The following ATXN1 variants were observed in gnomAD, a reference collection of about 807,000 sequenced individuals.
The protein encoded by ATXN1 is ataxin-1.
In ATXN1, 8 loss-of-function variants were observed where a neutral mutation model predicts 56.4. That is an observed-to-expected ratio of 0.14 (90% confidence interval 0.08 to 0.26). The LOEUF is 0.26. Ranked by LOEUF, ATXN1 falls within the 10% of genes least tolerant of loss-of-function variation. The pLI is 1.00. For missense variants in ATXN1, 987 were observed against 1,106.5 expected (o/e 0.89, Z 1.53); for synonymous variants, 514 against 494.6 (o/e 1.04, Z -0.52).
chr6:16,706,361 A>G (rs1759405866), intron 2 of ATXN1, among the ~76,000 whole-genome samples: 1 of 152,186 alleles, frequency 6.6e-6, no homozygotes, highest in Non-Finnish European at 1.5e-5. Context: ...ATACGTATGC[A>G]AGAAATCTTT....
intron 3 of ATXN1, among the ~76,000 whole-genome samples, chr6:16,611,153 T>C (rs757025695): frequency 1.3e-5 from 2 of 152,194 alleles, no homozygotes; most frequent in Admixed American, 6.5e-5. Flanking sequence ...AAAGTAATCA[T>C]AAACTGGATC....
At chr6:16,761,233 T>C in intron 1 of ATXN1, 65 bp downstream of exon 1, 1 of 378,488 alleles carries the variant, frequency 2.6e-6, no homozygotes, top group South Asian at 1.8e-5. Flanking sequence ...TTAATCTAAA[T>C]AAGGGGAGAA....
At chr6:16,496,957 C>G (rs1760792653) in intron 5 of ATXN1, among the ~76,000 whole-genome samples, 1 of 152,144 alleles carries the variant, frequency 6.6e-6, no homozygotes, top group South Asian at 2.1e-4. Context: ...AGGGGATTCT[C>G]ACACTTACAA....
At chr6:16,549,628 C>T (rs985017103) in intron 4 of ATXN1, among the ~76,000 whole-genome samples, 8 of 151,970 alleles carry the variant, frequency 5.3e-5, no homozygotes, top group South Asian at 2.1e-4. Flanking sequence ...CCAGGTGCAG[C>T]GGCTTACGCC....
chr6:16,551,513 G>A (rs1181469209), intron 4 of ATXN1, among the ~76,000 whole-genome samples: 1 of 152,212 alleles, frequency 6.6e-6, no homozygotes, highest in African/African-American at 2.4e-5. Context: ...TGGGGAGACA[G>A]AAGTGGGAGA....
At chr6:16,496,407 T>C (rs1398253576) in intron 5 of ATXN1, among the ~76,000 whole-genome samples, 1 of 152,196 alleles carries the variant, frequency 6.6e-6, no homozygotes, top group East Asian at 1.9e-4. Flanking sequence ...CAATTATTCT[T>C]TCTTTCTATG....
At chr6:16,384,511 A>G (rs986984359) in intron 6 of ATXN1, among the ~76,000 whole-genome samples, 3 of 152,230 alleles carry the variant, frequency 2.0e-5, no homozygotes, top group African/African-American at 7.2e-5. Context: ...TAAAAGACAC[A>G]GTTCCTGTTC....
intron 4 of ATXN1, among the ~76,000 whole-genome samples, chr6:16,556,048 C>T (rs554453904): frequency 1.3e-5 from 2 of 152,294 alleles, no homozygotes; most frequent in Non-Finnish European, 2.9e-5. Context: ...TTTCAATAGG[C>T]ATTCTTTTTC....
rs572570267 is a variant in ATXN1 at position 16,730,101 on chromosome 6, G to C, written c.-615+23132C>G. Among the ~76,000 whole-genome samples the C allele has an allele frequency of 5.9e-5, 9 of 152,272 alleles. No homozygotes were observed. The East Asian group carries it at 1.2e-3, about 20-fold the overall frequency. On this transcript the variant is annotated intron_variant, in intron 2 of 7. Coordinates refer to ENST00000436367, the MANE Select transcript of ATXN1 (RefSeq NM_001128164.2). The stretch of plus-strand genomic sequence containing the variant: ...AGTTCAAGACCAGCCTGACCAACAC[G>C]GTGAAACCCAATCTCTACTAAAAAT...
At chr6:16,584,151 G>T (rs236970) in intron 4 of ATXN1, among the ~76,000 whole-genome samples, 8,830 of 149,864 alleles carry the variant, frequency 0.059, 394 homozygotes, top group African/African-American at 0.13. Context: ...CCTGAAGCTT[G>T]CAATCTTATC....
chr6:16,395,952 T>C (rs546017954), intron 6 of ATXN1, among the ~76,000 whole-genome samples: 1 of 141,828 alleles, frequency 7.1e-6, no homozygotes, highest in East Asian at 2.2e-4. Context: ...GAGTCGGAGG[T>C]TGCAGTGAGC....
intron 6 of ATXN1, among the ~76,000 whole-genome samples, chr6:16,459,145 C>A (rs992119016): frequency 1.3e-5 from 2 of 152,214 alleles, no homozygotes; most frequent in African/African-American, 4.8e-5. Context: ...GCCCCACACC[C>A]TTATTAGGGA....
At chr6:16,700,769 C>G (rs1054163820) in intron 2 of ATXN1, among the ~76,000 whole-genome samples, 1 of 152,106 alleles carries the variant, frequency 6.6e-6, no homozygotes, top group African/African-American at 2.4e-5. Context: ...TGCAGATCAG[C>G]CCGGAGGGTG....
chr6:16,685,779 A>G (rs1331730860), intron 2 of ATXN1, among the ~76,000 whole-genome samples: 3 of 152,206 alleles, frequency 2.0e-5, no homozygotes, highest in African/African-American at 7.2e-5. Context: ...TTCTCTAAGC[A>G]TTATCAAGTC....
At chr6:16,533,533 AC>A (rs1454054480) in intron 4 of ATXN1, among the ~76,000 whole-genome samples, 1 of 152,190 alleles carries the variant, frequency 6.6e-6, no homozygotes, top group Non-Finnish European at 1.5e-5. Flanking sequence ...AACCTCAGAG[AC>A]CCAATTTGGC....
chr6:16,569,541 A>AAC (rs1443848253), intron 4 of ATXN1, among the ~76,000 whole-genome samples: 2 of 151,216 alleles, frequency 1.3e-5, no homozygotes, highest in Non-Finnish European at 3.0e-5. Flanking sequence ...AAAAAAAAAA[A>AAC]AAAAACAGTT....
At chr6:16,601,813 A>G (rs935869387) in intron 3 of ATXN1, among the ~76,000 whole-genome samples, 2 of 152,150 alleles carry the variant, frequency 1.3e-5, no homozygotes, top group African/African-American at 4.8e-5. Context: ...AGATTGCACC[A>G]CTGCATTCCA....
intron 5 of ATXN1, among the ~76,000 whole-genome samples, chr6:16,488,298 G>A (rs142507362): frequency 2.1e-3 from 320 of 152,300 alleles, no homozygotes; most frequent in African/African-American, 7.4e-3. Flanking sequence ...ACTGAAAACA[G>A]ATCACATTAC....
chr6:16,745,110 T>C (rs1760479066), intron 2 of ATXN1, among the ~76,000 whole-genome samples: 1 of 152,140 alleles, frequency 6.6e-6, no homozygotes, highest in African/African-American at 2.4e-5. Context: ...AAGAGCCTAT[T>C]AAATTAGCCA....
Sources: gnomAD v4.1 joint callset for allele counts (sites outside exome capture counted in the v4.1 genomes callset) on GRCh38, gnomAD v4.1.1 for gene constraint, MANE v1.5 for transcripts, NCBI Gene and HGNC (gene_info 2026-07-23, HGNC 2026-07-21) for gene names.